Variants in FAM209A observed in about 807,000 individuals in gnomAD.
The protein encoded by FAM209A is protein FAM209A.
In FAM209A, 4 loss-of-function variants were observed where a neutral mutation model predicts 9.8. That is an observed-to-expected ratio of 0.41 (90% CI 0.20 to 0.94). The LOEUF is 0.94. Ranked by LOEUF, FAM209A falls within the 40% of genes least tolerant of loss-of-function variation. FAM209A has a pLI of 0.32. For synonymous variants in FAM209A, 55 were observed against 77.8 expected (o/e 0.71, Z 1.54); for missense variants, 205 against 209.4 (o/e 0.98, Z 0.13).
downstream of FAM209A, among the ~76,000 whole-genome samples, chr20:56,528,114 T>A (rs1020013128): frequency 6.7e-6 from 1 of 150,148 alleles, no homozygotes; most frequent in African/African-American, 2.4e-5. Flanking sequence ...CTCAAAAAAA[T>A]AAATAAATAA....
downstream of FAM209A, among the ~76,000 whole-genome samples, chr20:56,526,588 C>T (rs183798663): frequency 2.0e-4 from 31 of 151,786 alleles, no homozygotes; most frequent in Non-Finnish European, 3.4e-4. Context: ...TCAAAGGTTC[C>T]GTGTATATTG....
In FAM209A at chr20:56,525,677, C is replaced by T. The variant is rs900375413; in HGVS notation, c.250-127C>T. The T allele has an allele frequency of 4.4e-5, 42 of 956,824 alleles. 1 individual carries two copies. The highest frequency in any genetic ancestry group is 3.9e-4 in the African/African-American group (24 of 61,166). The allele number at this position is 956,824 out of a possible 1,614,324, so 59.3% of individuals were successfully genotyped here. A position where few individuals can be genotyped will look rare whatever the true frequency, so the allele number is the denominator to read the frequency against. ...TTCCCGTAAAGGGCCAGGGAGGGTG[C>T]GAATATCTTCAGCTTTGTGGGCAGT... On this transcript the variant is annotated intron_variant, in intron 1 of 1. Transcript: ENST00000371328.
chr20:56,533,304 C>A, the FAM209A span: 1 of 1,608,244 alleles, frequency 6.2e-7, no homozygotes, highest in South Asian at 1.1e-5. Flanking sequence ...GGCAAGCAAA[C>A]CCGTCATGAG....
At chr20:56,531,476 T>C in the FAM209A span, among the ~76,000 whole-genome samples, 1 of 151,368 alleles carries the variant, frequency 6.6e-6, no homozygotes, top group Non-Finnish European at 1.5e-5. Flanking sequence ...TTTTTTTGTA[T>C]TTTTAGTAGA....
downstream of FAM209A, among the ~76,000 whole-genome samples, chr20:56,527,614 C>A (rs1985591835): frequency 6.6e-6 from 1 of 152,216 alleles, no homozygotes; most frequent in Non-Finnish European, 1.5e-5. Flanking sequence ...ATCAAAGTCA[C>A]CCAGGGCGCA....
chr20:56,525,950 T>G lies in FAM209A; in HGVS notation c.396T>G (p.Asn132Lys). ...TGAAATTTGTGTCCAAAGTGCGGAA[T>G]CTTAAACGTGCCATGGCAACAGGTA... ...ELMKFVSKVR[N>K]LKRAMATGSG... Residue 132 changes from asparagine to lysine, a missense_variant, in exon 2 of 2, where the codon AAT becomes AAG. Coordinates refer to ENST00000371328, the MANE Select transcript of FAM209A (RefSeq NM_001012971.4). The G allele has an allele frequency of 6.2e-7, 1 of 1,614,168 alleles. No homozygotes were observed. The highest frequency in any genetic ancestry group is 1.1e-5 in the South Asian group (1 of 91,086).
At chr20:56,527,679 G>A (rs1985594958), downstream of FAM209A, among the ~76,000 whole-genome samples, 1 of 152,240 alleles carries the variant, frequency 6.6e-6, no homozygotes, top group African/African-American at 2.4e-5. Flanking sequence ...TGCAGCAGAA[G>A]CAGGAGAGGG....
chr20:56,532,480 CTTTTTT>C, the FAM209A span, among the ~76,000 whole-genome samples: 43,228 of 107,508 alleles, frequency 0.4, 6,964 homozygotes, highest in Non-Finnish European at 0.43. Flanking sequence ...TTTTCTTTTT[CTTTTTT>C]TTTTTTTTTT....
downstream of FAM209A, among the ~76,000 whole-genome samples, chr20:56,530,747 G>A (rs2146399547): frequency 6.7e-6 from 1 of 149,922 alleles, no homozygotes; most frequent in South Asian, 2.1e-4. Context: ...GACCTCAGAT[G>A]ATCTGCTCAC....
downstream of FAM209A, among the ~76,000 whole-genome samples, chr20:56,528,749 C>T (rs1338473406): frequency 2.0e-5 from 3 of 152,104 alleles, no homozygotes; most frequent in Non-Finnish European, 2.9e-5. Context: ...AGGGTCATGC[C>T]GCATACCCTA....
chr20:56,532,297 G>A, the FAM209A span, among the ~76,000 whole-genome samples: 1 of 151,754 alleles, frequency 6.6e-6, no homozygotes, highest in Admixed American at 6.6e-5. Context: ...CTTAACCCAA[G>A]GCAGGCACAC....
At position 56,524,822 on chromosome 20, in the gene FAM209A, A is replaced by C. The variant is rs1177271528; in HGVS notation, c.14A>C (p.Lys5Thr). 1 of 1,614,202 alleles carries C rather than the reference A, an allele frequency of 6.2e-7. No individual in the cohort carries two copies. The highest frequency in any genetic ancestry group is 8.5e-7 in the Non-Finnish European group (1 of 1,180,028). The change falls in exon 1 of 2, where the codon AAA becomes ACA. Residue 5 changes from lysine (K) to threonine (T), a missense_variant. Lys to Thr is a moderately conservative substitution (Grantham distance 78). Coordinates refer to ENST00000371328, the MANE Select transcript of FAM209A (RefSeq NM_001012971.4). The part of the protein sequence containing the change: MWTL[K>T]SSLVLLLCLT... ...TCTCTGCTCACCATGTGGACGCTGA[A>C]ATCGTCCCTGGTCCTGCTTCTGTGC... is the stretch of plus-strand genomic sequence containing the variant.
downstream of FAM209A, among the ~76,000 whole-genome samples, chr20:56,529,622 A>C (rs1467818571): frequency 6.6e-6 from 1 of 152,168 alleles, no homozygotes; most frequent in Non-Finnish European, 1.5e-5. Flanking sequence ...TGAGGTCAGG[A>C]ATTTGAGACC....
chr20:56,529,291 C>T (rs578205193), downstream of FAM209A, among the ~76,000 whole-genome samples: 44 of 150,134 alleles, frequency 2.9e-4, no homozygotes, highest in East Asian at 9.9e-4. Context: ...CCAAGGTAGG[C>T]GGATCACCTG....
chr20:56,531,409 C>T, the FAM209A span, among the ~76,000 whole-genome samples: 2 of 151,678 alleles, frequency 1.3e-5, no homozygotes, highest in Non-Finnish European at 2.9e-5. Context: ...AGCAATTCTC[C>T]TGCCTCAGCC....
downstream of FAM209A, chr20:56,526,202 A>G (rs562677546): frequency 2.7e-5 from 35 of 1,284,986 alleles, no homozygotes; most frequent in African/African-American, 4.3e-4. Flanking sequence ...TAGAAGAAAA[A>G]GTGAATGGGA....
chr20:56,525,961 C>T lies in FAM209A; in HGVS notation c.407C>T (p.Ala136Val), dbSNP rs201988737. The part of the protein sequence containing the change: ...FVSKVRNLKR[A>V]MATGSGSNLR... ...TCCAAAGTGCGGAATCTTAAACGTG[C>T]CATGGCAACAGGTAGTGGCAGTAAC... Residue 136 changes from alanine (A) to valine (V), a missense_variant, in exon 2 of 2, where the codon GCC becomes GTC. Physicochemically the swap from Ala to Val is moderately conservative, Grantham distance 64. Transcript: ENST00000371328. 1.4e-4 allele frequency: 234 copies of T among 1,614,194 alleles called. 1 individual carries two copies. In the Middle Eastern group the frequency reaches 2.3e-3, roughly 16 times the overall value.
chr20:56,531,974 CTT>C, the FAM209A span, among the ~76,000 whole-genome samples: 3 of 113,030 alleles, frequency 2.7e-5, no homozygotes, highest in Non-Finnish European at 5.2e-5. Flanking sequence ...CTTTTCTTTT[CTT>C]TTTTTTTTTT....
downstream of FAM209A, among the ~76,000 whole-genome samples, chr20:56,528,362 G>A (rs1176638662): frequency 1.4e-5 from 2 of 142,182 alleles, no homozygotes; most frequent in African/African-American, 5.3e-5. Flanking sequence ...GGAAATTGGG[G>A]AAGGCAGATC....
Sources: allele counts gnomAD v4.1 joint callset (sites outside exome capture counted in the v4.1 genomes callset), GRCh38; gene constraint gnomAD v4.1.1; transcripts MANE v1.5; gene names NCBI Gene and HGNC (gene_info 2026-07-23, HGNC 2026-07-21).